Variants in CPD observed in about 807,000 individuals in gnomAD.
CPD encodes the protein metallocarboxypeptidase D.
A neutral mutation model predicts 138.3 loss-of-function variants in CPD; 69 were observed. That is an observed-to-expected ratio of 0.50 (90% CI 0.41 to 0.61). CPD has a LOEUF of 0.61. Among genes scored for constraint, CPD ranks in the 20% least tolerant of loss-of-function variants. The pLI is 0.00. For missense variants in CPD, 1,432 were observed against 1,733.3 expected, an observed-to-expected ratio of 0.83 and a Z score of 3.09; for synonymous variants, 651 against 642.1, an observed-to-expected ratio of 1.01 and a Z score of -0.21.
In CPD at chr17:30,443,830, T is replaced by C. The variant is rs759593432; in HGVS notation, c.2402T>C (p.Leu801Pro). 1 of 1,613,544 alleles carries C rather than the reference T, an allele frequency of 6.2e-7. No homozygotes were observed. Among genetic ancestry groups the C allele is most frequent in the Admixed American group, 1.7e-5 (1 of 59,990 alleles). Residue 801 changes from leucine to proline, a missense_variant, in exon 11 of 21, where the codon CTA becomes CCA. Coordinates refer to ENST00000225719, the MANE Select transcript of CPD (RefSeq NM_001304.5). The part of the protein sequence containing the change: ...QVHQGVRGFV[L>P]DATDGRGILN... ...CATCAGGGCGTCAGAGGATTTGTTC[T>C]AGATGCCACAGATGGCAGGGGTATA...
intron 2 of CPD, among the ~76,000 whole-genome samples, chr17:30,406,384 CT>C (rs1911801766): frequency 6.6e-6 from 1 of 152,036 alleles, no homozygotes; most frequent in African/African-American, 2.4e-5. Flanking sequence ...ACTAAGGATG[CT>C]AAATGTATTT....
At chr17:30,447,929 C>A (rs1189683778) in intron 12 of CPD, among the ~76,000 whole-genome samples, 1 of 152,142 alleles carries the variant, frequency 6.6e-6, no homozygotes, top group Non-Finnish European at 1.5e-5. Flanking sequence ...TACATTTTGC[C>A]TTGAGCATAT....
intron 7 of CPD, among the ~76,000 whole-genome samples, chr17:30,430,147 A>G (rs1480315424): frequency 6.6e-6 from 1 of 152,104 alleles, no homozygotes; most frequent in Non-Finnish European, 1.5e-5. Context: ...TTTGATACTA[A>G]TTTTTTTATT....
intron 17 of CPD, among the ~76,000 whole-genome samples, 180 bp from the exon 18 acceptor site, chr17:30,461,000 G>C (rs1299444009): frequency 6.6e-6 from 1 of 152,222 alleles, no homozygotes; most frequent in African/African-American, 2.4e-5. Context: ...CTCTCATAGA[G>C]TTTGTGATTG....
At chr17:30,463,379 A>G (rs1446785980) in intron 20 of CPD, among the ~76,000 whole-genome samples, 2 of 152,226 alleles carry the variant, frequency 1.3e-5, no homozygotes, top group Non-Finnish European at 2.9e-5. Flanking sequence ...CTCCAAGCCT[A>G]GAACGATGGT....
chr17:30,453,482 G>A (rs1469047567), intron 14 of CPD, among the ~76,000 whole-genome samples: 1 of 152,092 alleles, frequency 6.6e-6, no homozygotes, highest in Non-Finnish European at 1.5e-5. Flanking sequence ...GTCTTGGGCA[G>A]CTCCACCCCT....
chr17:30,421,510 G>A (rs1004566929), intron 3 of CPD, among the ~76,000 whole-genome samples, 154 bp from the exon 4 acceptor site: 3 of 152,172 alleles, frequency 2.0e-5, no homozygotes, highest in African/African-American at 7.2e-5. Flanking sequence ...ACTTCTGTCT[G>A]TATTTTATTT....
rs1380719569 is a variant in CPD at position 30,379,539 on chromosome 17, T to C, written c.559T>C (p.Phe187Leu). The change falls in exon 1 of 21, where the codon TTC (phenylalanine) becomes CTC (leucine). Residue 187 changes from phenylalanine (F) to leucine (L), a missense_variant. Physicochemically the swap from Phe to Leu is conservative, Grantham distance 22. Around this residue, in one of 6 missense-constraint regions of CPD, gnomAD observed 484 missense variants for 477.2 expected, o/e 1.01. Transcript: ENST00000225719. The surrounding 1 kb of genome is among the most constrained non-coding windows in gnomAD (Gnocchi z 7.0). Reference protein sequence around the residue: ...YLLPSLNPDGFERAREGDCGF... With the variant: ...YLLPSLNPDGLERAREGDCGF... ...GCTGCCCAGCCTCAACCCCGATGGCTTCGAGCGTGCCCGCGAGGGCGACTG... is the reference window on the plus strand; with the variant it reads ...GCTGCCCAGCCTCAACCCCGATGGCCTCGAGCGTGCCCGCGAGGGCGACTG... 5.8e-6 allele frequency: 9 copies of C among 1,557,876 alleles called. No homozygotes were observed. Among genetic ancestry groups the C allele is most frequent in the Non-Finnish European group, 7.8e-6 (9 of 1,159,884 alleles).
At chr17:30,418,721 A>G (rs1397213971) in intron 2 of CPD, among the ~76,000 whole-genome samples, 1 of 152,172 alleles carries the variant, frequency 6.6e-6, no homozygotes, top group Non-Finnish European at 1.5e-5. Context: ...CTGATTGGAA[A>G]CAAAACGCTT....
intron 17 of CPD, among the ~76,000 whole-genome samples, chr17:30,459,246 T>C (rs1043571782): frequency 2.7e-5 from 4 of 150,288 alleles, no homozygotes; most frequent in Non-Finnish European, 5.9e-5. Context: ...TTTTTTATTA[T>C]ACTTTAAGTT....
intron 11 of CPD, among the ~76,000 whole-genome samples, chr17:30,445,067 T>G (rs1222245711): frequency 6.6e-6 from 1 of 152,128 alleles, no homozygotes; most frequent in Non-Finnish European, 1.5e-5. Context: ...CTCTGCAACT[T>G]TCCCACCCGT....
chr17:30,401,989 G>C (rs1432328454), intron 2 of CPD, among the ~76,000 whole-genome samples: 3 of 146,082 alleles, frequency 2.1e-5, no homozygotes, highest in African/African-American at 7.6e-5. Context: ...TCTCTCCTGA[G>C]ACTCCAGTGA....
chr17:30,421,613 C>T lies in CPD; in HGVS notation c.1138-51C>T, dbSNP rs534888978. On this transcript the variant is annotated intron_variant, in intron 3 of 20. Transcript: ENST00000225719. ...TATCGGTGCAGAGAGAAATTATGCG[C>T]TCTTGCCTTCCAAATTCACCGTCTC... 42 of 1,555,436 alleles carry T rather than the reference C, an allele frequency of 2.7e-5. No homozygotes were observed. The South Asian group carries it at 4.1e-4, about 15-fold the overall frequency.
At chr17:30,455,650 T>A in intron 15 of CPD, 180 bp downstream of exon 15, 1 of 574,526 alleles carries the variant, frequency 1.7e-6, no homozygotes, top group Non-Finnish European at 2.9e-6. Flanking sequence ...AGCTCAGATC[T>A]AATGGTAGCC....
At chr17:30,442,765 A>G (rs992394633) in intron 10 of CPD, among the ~76,000 whole-genome samples, 1 of 152,132 alleles carries the variant, frequency 6.6e-6, no homozygotes, top group African/African-American at 2.4e-5. Context: ...TTGGATACAC[A>G]CCTAATCATT....
Position 30,386,093 on chromosome 17 carries a change from A to C in CPD, c.994+857A>C, listed in dbSNP as rs566002932. Among the ~76,000 whole-genome samples, 24 of 152,260 alleles carry C rather than the reference A, an allele frequency of 1.6e-4. No homozygotes were observed. The East Asian group carries it at 3.9e-3, about 24-fold the overall frequency. ...TACCCAGGCTGCAGTGCAATAGTACAATCATAGCTCACTGTAATCACAAGC... is the reference window on the plus strand; with the variant it reads ...TACCCAGGCTGCAGTGCAATAGTACCATCATAGCTCACTGTAATCACAAGC... On this transcript the variant is annotated intron_variant, in intron 2 of 20. Transcript: ENST00000225719.
intron 10 of CPD, among the ~76,000 whole-genome samples, chr17:30,443,324 A>G (rs1256627313): frequency 6.6e-6 from 1 of 152,158 alleles, no homozygotes; most frequent in Non-Finnish European, 1.5e-5. Flanking sequence ...GTAATTCCCT[A>G]ATATTACCTA....
intron 8 of CPD, among the ~76,000 whole-genome samples, chr17:30,432,776 G>T (rs372412348): frequency 1.7e-4 from 26 of 151,878 alleles, no homozygotes; most frequent in Non-Finnish European, 3.4e-4. Flanking sequence ...AAAATTAGCC[G>T]GTTGTGGTGA....
chr17:30,453,677 T>C (rs1029588937), intron 14 of CPD, among the ~76,000 whole-genome samples: 1 of 152,228 alleles, frequency 6.6e-6, no homozygotes, highest in Non-Finnish European at 1.5e-5. Flanking sequence ...GTGGGGGCTC[T>C]GATCCCACAT....
Sources: allele counts gnomAD v4.1 joint callset (sites outside exome capture counted in the v4.1 genomes callset), GRCh38; gene constraint gnomAD v4.1.1; regional missense constraint gnomAD v4.1.1; non-coding constraint Gnocchi (gnomAD v3.1); transcripts MANE v1.5; gene names NCBI Gene and HGNC (gene_info 2026-07-23, HGNC 2026-07-21).